Variants in ASTN2 observed in about 807,000 individuals in gnomAD.
The protein encoded by ASTN2 is astrotactin 2, also known as astrotactin-2.
Under a neutral mutation model 139.8 loss-of-function variants are expected in ASTN2, and 54 were observed. The observed-to-expected ratio is 0.39, with a 90% confidence interval of 0.31 to 0.48. The LOEUF (loss-of-function observed/expected upper bound fraction) is 0.48, where lower values mean the gene tolerates loss of function less well. Ranked by LOEUF, ASTN2 falls within the 20% of genes least tolerant of loss-of-function variation. The probability of loss-of-function intolerance (pLI) is 0.95; values close to 1 mark genes in which losing one functional copy is unlikely to be tolerated. For missense variants in ASTN2, 1,565 were observed against 1,725.1 expected (o/e 0.91, Z 1.64); for synonymous variants, 756 against 719.5 (o/e 1.05, Z -0.81).
chr9:116,766,807 T>A (rs1829822652), intron 13 of ASTN2, among the ~76,000 whole-genome samples: 1 of 148,970 alleles, frequency 6.7e-6, no homozygotes, highest in African/African-American at 2.5e-5. Context: ...CACACATTCA[T>A]ACACATATGC....
At chr9:116,938,699 T>G (rs1835146329) in intron 10 of ASTN2, among the ~76,000 whole-genome samples, 1 of 152,176 alleles carries the variant, frequency 6.6e-6, no homozygotes, top group Non-Finnish European at 1.5e-5. Context: ...CACAACACAT[T>G]ATCTGGGCTT....
At chr9:116,478,452 A>G (rs1849062880) in intron 20 of ASTN2, among the ~76,000 whole-genome samples, 1 of 152,126 alleles carries the variant, frequency 6.6e-6, no homozygotes, top group South Asian at 2.1e-4. Flanking sequence ...CCTGGGCTGC[A>G]GCTCAGGCCT....
intron 1 of ASTN2, among the ~76,000 whole-genome samples, chr9:117,355,924 G>T (rs4837137): frequency 6.6e-6 from 1 of 151,924 alleles, no homozygotes; most frequent in African/African-American, 2.4e-5. Context: ...GTTTCCCCCA[G>T]AGAACCCAGA....
At chr9:116,800,430 C>A (rs576647346) in intron 13 of ASTN2, among the ~76,000 whole-genome samples, 1 of 152,222 alleles carries the variant, frequency 6.6e-6, no homozygotes, top group African/African-American at 2.4e-5. Flanking sequence ...CAGTGCAAAC[C>A]CTTGGACTGT....
chr9:117,398,121 A>G (rs1220632439), intron 1 of ASTN2, among the ~76,000 whole-genome samples: 2 of 152,222 alleles, frequency 1.3e-5, no homozygotes, highest in African/African-American at 4.8e-5. Context: ...TAAATCAAGC[A>G]AAGGAAAATA....
At chr9:116,682,200 C>T (rs1326079804) in intron 16 of ASTN2, among the ~76,000 whole-genome samples, 6 of 152,134 alleles carry the variant, frequency 3.9e-5, no homozygotes, top group Non-Finnish European at 8.8e-5. Flanking sequence ...ACAACCCCAT[C>T]AAAAAGTGGA....
intron 19 of ASTN2, among the ~76,000 whole-genome samples, chr9:116,577,696 T>C (rs1291592092): frequency 6.6e-6 from 1 of 152,206 alleles, no homozygotes; most frequent in East Asian, 1.9e-4. Flanking sequence ...GAACAAGTGA[T>C]GTTAGTTATC....
At chr9:117,208,630 A>C (rs1466967675) in intron 3 of ASTN2, among the ~76,000 whole-genome samples, 1 of 152,228 alleles carries the variant, frequency 6.6e-6, no homozygotes, top group Non-Finnish European at 1.5e-5. Context: ...ATGGACATCA[A>C]GGTCCAGGAA....
chr9:116,464,807 C>T (rs945514649), intron 20 of ASTN2, among the ~76,000 whole-genome samples: 3 of 152,244 alleles, frequency 2.0e-5, no homozygotes, highest in Non-Finnish European at 4.4e-5. Context: ...GGGGTCTCTA[C>T]TTGCCTATAG....
chr9:117,060,469 G>A (rs1476115340), intron 5 of ASTN2, among the ~76,000 whole-genome samples: 6,555 of 90,484 alleles, frequency 0.072, 830 homozygotes, highest in South Asian at 0.14. Flanking sequence ...AGGAAGGAAG[G>A]AAGGAAGGAA....
intron 16 of ASTN2, among the ~76,000 whole-genome samples, chr9:116,720,890 G>A (rs568690246): frequency 6.6e-6 from 1 of 152,064 alleles, no homozygotes; most frequent in Non-Finnish European, 1.5e-5. Context: ...ACTCACTGAG[G>A]CCCCTCCCAA....
chr9:116,948,810 T>TTTTTTTTTTTTTTTTTTTG (rs1835477537), intron 10 of ASTN2, among the ~76,000 whole-genome samples: 1 of 102,582 alleles, frequency 9.7e-6, no homozygotes. Flanking sequence ...TTTTTTTTTT[T>TTTTTTTTTTTTTTTTTTTG]GAGAAGGAGT....
Position 116,644,101 on chromosome 9 carries a change from G to A in ASTN2, c.3072+7427C>T, listed in dbSNP as rs111315353. 3.0e-3 allele frequency among the ~76,000 whole-genome samples: 461 copies of A among 152,256 alleles called. 3 individuals are homozygous for A. Among genetic ancestry groups the A allele is most frequent in the African/African-American group, 9.2e-3 (380 of 41,526 alleles). On this transcript the variant is annotated intron_variant, in intron 17 of 22. Transcript: ENST00000313400. ...AGTAGTGGTGTAGCATAGTGGTGGC[G>A]GTAGTGGTCATGGTTGTAGTGATGG...
At chr9:116,768,736 G>C (rs1487142410) in intron 13 of ASTN2, among the ~76,000 whole-genome samples, 1 of 152,206 alleles carries the variant, frequency 6.6e-6, no homozygotes, top group Non-Finnish European at 1.5e-5. Flanking sequence ...GGCACTGTCT[G>C]TGAGCTAGAA....
At chr9:116,621,124 TA>T (rs1458963077) in intron 17 of ASTN2, among the ~76,000 whole-genome samples, 1 of 152,172 alleles carries the variant, frequency 6.6e-6, no homozygotes, top group Non-Finnish European at 1.5e-5. Context: ...AAATGTGCTC[TA>T]AATCAGGAGC....
intron 4 of ASTN2, among the ~76,000 whole-genome samples, chr9:117,115,352 A>G (rs1829357280): frequency 6.6e-6 from 1 of 151,966 alleles, no homozygotes; most frequent in Admixed American, 6.6e-5. Flanking sequence ...CCCTGTCTCT[A>G]CTAAAAGTAC....
At position 116,440,599 on chromosome 9, in the gene ASTN2, A is replaced by ACGCC; in HGVS notation, c.3782+6_3782+9dup. The ACGCC allele has an allele frequency of 6.2e-7, 1 of 1,612,110 alleles. No homozygotes were observed. The highest frequency in any genetic ancestry group is 8.5e-7 in the Non-Finnish European group (1 of 1,179,614). ...AATATGCCCCTCCAATCACACAAAT[A>ACGCC]CGCCCATACCTGGGCCCCAGCTCAT... On this transcript the variant is annotated intron_variant, in intron 22 of 22. Coordinates refer to ENST00000313400, the MANE Select transcript of ASTN2 (RefSeq NM_001365068.1).
intron 5 of ASTN2, among the ~76,000 whole-genome samples, chr9:117,049,627 T>C (rs999845346): frequency 1.1e-4 from 17 of 152,294 alleles, no homozygotes; most frequent in Middle Eastern, 3.4e-3. Flanking sequence ...CATTTACAAA[T>C]AGGAAAACCA....
chr9:116,660,886 C>A (rs1376809034), intron 16 of ASTN2, among the ~76,000 whole-genome samples: 3 of 152,074 alleles, frequency 2.0e-5, no homozygotes, highest in African/African-American at 7.2e-5. Flanking sequence ...AGGAATAAAA[C>A]AAAAGATGTT....
Sources: gnomAD v4.1 joint callset for allele counts (sites outside exome capture counted in the v4.1 genomes callset) on GRCh38, gnomAD v4.1.1 for gene constraint, MANE v1.5 for transcripts, NCBI Gene and HGNC (gene_info 2026-07-23, HGNC 2026-07-21) for gene names.